Variants in CFTR observed in about 807,000 individuals in gnomAD.
CFTR encodes the protein cystic fibrosis transmembrane conductance regulator.
In CFTR, 181 loss-of-function variants were observed where a neutral mutation model predicts 171.6. The observed-to-expected ratio is 1.05, with a 90% CI of 0.93 to 1.19. The LOEUF is 1.19. Among genes scored for constraint, CFTR ranks in the 50% most tolerant of loss-of-function variants. The pLI is 0.00. For missense variants in CFTR, 1,968 were observed against 1,734.7 expected (o/e 1.13, Z -2.39); for synonymous variants, 583 against 608.0 (o/e 0.96, Z 0.60).
chr7:117,570,041 G>A (rs969476740), intron 11 of CFTR, among the ~76,000 whole-genome samples: 1 of 151,806 alleles, frequency 6.6e-6, no homozygotes, highest in Middle Eastern at 3.2e-3. Context: ...GTGCTTTCAT[G>A]GACCTCTTCA....
chr7:117,535,326 C>T lies in CFTR; in HGVS notation c.658C>T (p.Gln220Ter), dbSNP rs397508778. The T allele has an allele frequency of 1.1e-5, 18 of 1,614,106 alleles. No homozygotes were observed. Among genetic ancestry groups the T allele is most frequent in the East Asian group, 2.2e-5 (1 of 44,878 alleles). The change falls in exon 6 of 27, where the codon CAG (glutamine) becomes TAG (stop). Residue 220 changes from glutamine (Q) to a stop codon, truncating the protein, a stop_gained. Coordinates refer to ENST00000003084, the MANE Select transcript of CFTR (RefSeq NM_000492.4). LOFTEE classifies it high-confidence loss of function. ...CATGGGGCTAATCTGGGAGTTGTTACAGGCGTCTGCCTTCTGTGGACTTGG... is the reference window on the plus strand; with the variant it reads ...CATGGGGCTAATCTGGGAGTTGTTATAGGCGTCTGCCTTCTGTGGACTTGG... ...LLMGLIWELLQASAFCGLGFL... is the reference protein window; with the variant it reads ...LLMGLIWELL
intron 12 of CFTR, among the ~76,000 whole-genome samples, chr7:117,588,621 C>T (rs1791982410): frequency 1.3e-5 from 2 of 152,108 alleles, no homozygotes; most frequent in Non-Finnish European, 1.5e-5. Context: ...AAAGCTGAGA[C>T]AGGAAACTAA....
intron 23 of CFTR, among the ~76,000 whole-genome samples, chr7:117,648,174 C>T (rs1162411186): frequency 6.6e-6 from 1 of 151,384 alleles, no homozygotes. Context: ...CACACACACA[C>T]AAATATATAT....
chr7:117,516,376 A>C (rs943572042), intron 3 of CFTR, among the ~76,000 whole-genome samples: 5 of 152,202 alleles, frequency 3.3e-5, no homozygotes, highest in Non-Finnish European at 5.9e-5. Context: ...GTATAGCTAT[A>C]GTACAGTATA....
chr7:117,637,109 G>T (rs1792837996), intron 22 of CFTR, among the ~76,000 whole-genome samples: 1 of 151,986 alleles, frequency 6.6e-6, no homozygotes, highest in Non-Finnish European at 1.5e-5. Context: ...GAGCCACCAT[G>T]CCCTGCCTTT....
chr7:117,598,325 T>G (rs213976), intron 15 of CFTR, among the ~76,000 whole-genome samples: 81,988 of 151,928 alleles, frequency 0.54, 24,542 homozygotes, highest in African/African-American at 0.82. Flanking sequence ...TAAACTCAAG[T>G]CCCATGCTAC....
chr7:117,598,899 CACTT>C (rs1447920319), intron 15 of CFTR, among the ~76,000 whole-genome samples: 5 of 152,196 alleles, frequency 3.3e-5, no homozygotes, highest in South Asian at 2.1e-4. Flanking sequence ...GATTATGAAA[CACTT>C]AATGTAGGGC....
At chr7:117,532,043 A>G (rs1227196776) in intron 4 of CFTR, among the ~76,000 whole-genome samples, 2 of 151,982 alleles carry the variant, frequency 1.3e-5, no homozygotes, top group Non-Finnish European at 2.9e-5. Flanking sequence ...ACCATACTTT[A>G]TTGTTCAAAA....
At chr7:117,589,364 A>G (rs902329912) in intron 12 of CFTR, among the ~76,000 whole-genome samples, 2 of 152,022 alleles carry the variant, frequency 1.3e-5, no homozygotes, top group East Asian at 3.8e-4. Context: ...AAATTTTTAA[A>G]TTGGCTTTAA....
At chr7:117,606,095 A>G (rs1792296368) in intron 17 of CFTR, among the ~76,000 whole-genome samples, 2 of 152,156 alleles carry the variant, frequency 1.3e-5, no homozygotes, top group Admixed American at 6.5e-5. Context: ...CAAGTTGTCA[A>G]CCTTACAAAT....
Position 117,667,067 on chromosome 7 carries a change from A to C in CFTR, c.4402A>C (p.Lys1468Gln). 2 of 1,614,032 alleles carry C rather than the reference A, an allele frequency of 1.2e-6. No individual in the cohort carries two copies. The highest frequency in any genetic ancestry group is 8.5e-7 in the Non-Finnish European group (1 of 1,179,956). Reference sequence around the variant, plus strand: ...GTCTAAGCCCCAGATTGCTGCTCTGAAAGAGGAGACAGAAGAAGAGGTGCA... The same window carrying C: ...GTCTAAGCCCCAGATTGCTGCTCTGCAAGAGGAGACAGAAGAAGAGGTGCA... Reference protein sequence around the residue: ...CKSKPQIAALKEETEEEVQDT... With the variant: ...CKSKPQIAALQEETEEEVQDT... The change falls in exon 27 of 27, where the codon AAA becomes CAA. Residue 1468 changes from lysine to glutamine, a missense_variant. Lys to Gln is a moderately conservative substitution (Grantham distance 53). Transcript: ENST00000003084.
chr7:117,660,666 ATGTGTG>A (rs57950576), intron 24 of CFTR, among the ~76,000 whole-genome samples: 7 of 149,144 alleles, frequency 4.7e-5, no homozygotes, highest in Non-Finnish European at 1.0e-4. Context: ...GGGGATATAT[ATGTGTG>A]TGTGTGTGTG....
At chr7:117,547,448 T>C (rs1799165321) in intron 9 of CFTR, among the ~76,000 whole-genome samples, 1 of 152,024 alleles carries the variant, frequency 6.6e-6, no homozygotes, top group African/African-American at 2.4e-5. Flanking sequence ...TATAACTTGC[T>C]TTCTGTCAGG....
chr7:117,628,352 T>C (rs1371921445), intron 22 of CFTR, among the ~76,000 whole-genome samples: 1 of 152,202 alleles, frequency 6.6e-6, no homozygotes, highest in Admixed American at 6.5e-5. Context: ...TAATATATAC[T>C]GATTTCTGGA....
At chr7:117,510,224 A>C (rs1164537214) in intron 3 of CFTR, among the ~76,000 whole-genome samples, 2 of 152,252 alleles carry the variant, frequency 1.3e-5, no homozygotes, top group Non-Finnish European at 2.9e-5. Context: ...AATTTAAATG[A>C]GGTAGCTGGA....
At chr7:117,482,810 C>T (rs1313893311) in intron 1 of CFTR, among the ~76,000 whole-genome samples, 1 of 152,096 alleles carries the variant, frequency 6.6e-6, no homozygotes, top group African/African-American at 2.4e-5. Context: ...TTTCATATTT[C>T]GTTTAGTTGT....
chr7:117,521,976 A>C (rs926989815), intron 3 of CFTR, among the ~76,000 whole-genome samples: 1 of 152,160 alleles, frequency 6.6e-6, no homozygotes. Flanking sequence ...AGACTCATCT[A>C]CAATAACTTT....
chr7:117,648,020 G>GTA (rs1793021405), intron 23 of CFTR, among the ~76,000 whole-genome samples: 1 of 148,054 alleles, frequency 6.8e-6, no homozygotes, highest in Non-Finnish European at 1.5e-5. Flanking sequence ...GTGTGTGTGT[G>GTA]TGTGTATATA....
Position 117,619,707 on chromosome 7 carries a change from A to C in CFTR, c.3468+4994A>C, listed in dbSNP as rs558798656. On this transcript the variant is annotated intron_variant, in intron 21 of 26. Coordinates refer to ENST00000003084, the MANE Select transcript of CFTR (RefSeq NM_000492.4). The stretch of plus-strand genomic sequence containing the variant: ...TTCCATTAGCTGTCTACCCTGTTCA[A>C]CTGTGTGTTTCTAATAACATAAGAA... Among the ~76,000 whole-genome samples, 7 of 152,266 alleles carry C rather than the reference A, an allele frequency of 4.6e-5. No individual in the cohort carries two copies. In the South Asian group the frequency reaches 1.5e-3, roughly 32 times the overall value.
Sources: allele counts gnomAD v4.1 joint callset (sites outside exome capture counted in the v4.1 genomes callset), GRCh38; gene constraint gnomAD v4.1.1; transcripts MANE v1.5; gene names NCBI Gene and HGNC (gene_info 2026-07-23, HGNC 2026-07-21).